The following DNAI4 variants were observed in gnomAD, a reference collection of about 807,000 sequenced individuals.
DNAI4 encodes WD repeat domain 78.
A neutral mutation model predicts 105.8 loss-of-function variants in DNAI4; 85 were observed. The ratio of observed to expected loss-of-function variants is 0.80; its 90% CI spans 0.67 to 0.96. The LOEUF (loss-of-function observed/expected upper bound fraction) is 0.96, where lower values mean the gene tolerates loss of function less well. Among genes scored for constraint, DNAI4 ranks in the 40% least tolerant of loss-of-function variants. The pLI, the probability that DNAI4 is intolerant of heterozygous loss-of-function variation, is 0.00. For missense variants in DNAI4, 1,014 were observed against 1,005.6 expected (o/e 1.01, Z -0.11); for synonymous variants, 352 against 331.5 (o/e 1.06, Z -0.67).
Position 66,855,297 on chromosome 1 carries a change from C to G in DNAI4, c.1096+6850G>C, listed in dbSNP as rs561674957. On this transcript the variant is annotated intron_variant, in intron 7 of 16. Coordinates refer to ENST00000371026, the MANE Select transcript of DNAI4 (RefSeq NM_024763.5). ...TTGCCCATGTTTTCCCCATCACTCT[C>G]TCTGCCTTCTGACCAACTCTGATAC... is the stretch of plus-strand genomic sequence containing the variant. Among the ~76,000 whole-genome samples, 12 of 152,374 alleles carry G rather than the reference C, an allele frequency of 7.9e-5. No individual in the cohort carries two copies. The South Asian group carries it at 2.3e-3, about 29-fold the overall frequency.
chr1:66,846,058 TTTTA>T (rs1354567380), intron 8 of DNAI4, among the ~76,000 whole-genome samples: 1 of 152,170 alleles, frequency 6.6e-6, no homozygotes, highest in African/African-American at 2.4e-5. Context: ...GCTATGGTAT[TTTTA>T]TTTCTTAGAT....
At chr1:66,848,653 A>T (rs1394083795) in intron 7 of DNAI4, among the ~76,000 whole-genome samples, 5 of 152,232 alleles carry the variant, frequency 3.3e-5, no homozygotes, top group Non-Finnish European at 7.3e-5. Context: ...AACAACAAAC[A>T]TAAGCAGTCT....
chr1:66,877,500 T>C (rs1646982202), intron 4 of DNAI4, among the ~76,000 whole-genome samples: 1 of 152,192 alleles, frequency 6.6e-6, no homozygotes, highest in Non-Finnish European at 1.5e-5. Flanking sequence ...TAGAATAGTT[T>C]TAGGTATACA....
intron 16 of DNAI4, among the ~76,000 whole-genome samples, chr1:66,815,935 G>C (rs1645505606): frequency 6.6e-6 from 1 of 152,076 alleles, no homozygotes; most frequent in South Asian, 2.1e-4. Flanking sequence ...GCCAACCTTT[G>C]GCCATATCCT....
At chr1:66,885,090 T>C (rs1230538678) in intron 4 of DNAI4, among the ~76,000 whole-genome samples, 1 of 152,256 alleles carries the variant, frequency 6.6e-6, no homozygotes, top group Non-Finnish European at 1.5e-5. Flanking sequence ...GAGACTTCTT[T>C]GGCCCATGGG....
intron 4 of DNAI4, among the ~76,000 whole-genome samples, chr1:66,879,944 T>C (rs2100703138): frequency 6.7e-6 from 1 of 150,056 alleles, no homozygotes; most frequent in Non-Finnish European, 1.5e-5. Context: ...CCACATGTCA[T>C]GGGAGGAACC....
chr1:66,922,474 C>T (rs1397973898), intron 1 of DNAI4, among the ~76,000 whole-genome samples: 3 of 152,108 alleles, frequency 2.0e-5, no homozygotes, highest in South Asian at 2.1e-4. Context: ...GAGGAAGAGT[C>T]TATAGTGAGA....
Position 66,826,801 on chromosome 1 carries a change from A to T in DNAI4, c.2339+19T>A, listed in dbSNP as rs1198257027. ...GAACTGCTTCTACTAAAATTTATGC[A>T]AGAAAAATAGTAACTTACGTGCTGA... On this transcript the variant is annotated intron_variant, in intron 15 of 16. Coordinates refer to ENST00000371026, the MANE Select transcript of DNAI4 (RefSeq NM_024763.5). 1.2e-6 allele frequency: 2 copies of T among 1,608,720 alleles called. No homozygotes were observed. Among genetic ancestry groups the T allele is most frequent in the Admixed American group, 3.4e-5 (2 of 59,278 alleles).
intron 6 of DNAI4, among the ~76,000 whole-genome samples, chr1:66,863,300 A>T (rs762296386): frequency 1.2e-4 from 19 of 152,164 alleles, no homozygotes; most frequent in South Asian, 2.1e-4. Flanking sequence ...TTAATAAATA[A>T]TTTTTTTCCT....
rs1646843103 is a variant in DNAI4, at chr1:66,871,405, TC to T, written c.904del (p.Asp302MetfsTer8). 6.2e-7 allele frequency: 1 copy of T among 1,611,224 alleles called. No homozygotes were observed. The highest frequency in any genetic ancestry group is 1.1e-5 in the South Asian group (1 of 90,500). On this transcript the variant is annotated frameshift_variant, in exon 6 of 17. Transcript: ENST00000371026. LOFTEE classifies it high-confidence loss of function. ...CATTATGATTTTATCACATTGAACA[TC>T]TTTATTCTTTGGTGCTCCATTGAAA... ...QTFNGAPKNK[D>X]VQCDKIIMED...
intron 1 of DNAI4, among the ~76,000 whole-genome samples, chr1:66,913,983 CAAA>C (rs530815410): frequency 6.0e-5 from 4 of 67,188 alleles, no homozygotes; most frequent in Non-Finnish European, 6.0e-5. Flanking sequence ...AACTCCGTCT[CAAA>C]AAAAAAAAAA....
At chr1:66,906,759 T>A (rs1052906076) in intron 1 of DNAI4, among the ~76,000 whole-genome samples, 46 of 151,608 alleles carry the variant, frequency 3.0e-4, no homozygotes, top group African/African-American at 1.1e-3. Context: ...TCTAAGGACT[T>A]AACCCCCAAC....
chr1:66,874,513 T>C (rs1387806918), intron 5 of DNAI4, among the ~76,000 whole-genome samples: 3 of 152,136 alleles, frequency 2.0e-5, no homozygotes, highest in Non-Finnish European at 2.9e-5. Flanking sequence ...GTTATTTGGC[T>C]TAGAAGTTCG....
chr1:66,900,332 CT>C (rs1267050246), intron 2 of DNAI4, among the ~76,000 whole-genome samples: 6 of 152,102 alleles, frequency 3.9e-5, no homozygotes, highest in Non-Finnish European at 2.9e-5. Flanking sequence ...AACTCCTGGT[CT>C]CAGGTGATCC....
At chr1:66,908,444 G>A (rs1297001730) in intron 1 of DNAI4, among the ~76,000 whole-genome samples, 1 of 152,140 alleles carries the variant, frequency 6.6e-6, no homozygotes, top group Non-Finnish European at 1.5e-5. Context: ...AGACCAAGAG[G>A]GGCAGCTCCT....
At chr1:66,830,977 A>C (rs998305587) in intron 13 of DNAI4, among the ~76,000 whole-genome samples, 2 of 49,328 alleles carry the variant, frequency 4.1e-5, no homozygotes, top group African/African-American at 9.4e-5. Flanking sequence ...ACTCTGTCAC[A>C]AAAAAAAAAA....
intron 3 of DNAI4, among the ~76,000 whole-genome samples, chr1:66,891,581 C>A (rs999866915): frequency 1.5e-4 from 23 of 152,228 alleles, no homozygotes; most frequent in African/African-American, 4.1e-4. Flanking sequence ...CCTGCCTCAG[C>A]CTCCTGAGTG....
At chr1:66,837,941 G>T (rs1646066240) in intron 9 of DNAI4, 145 bp from the exon 10 acceptor site, 3 of 755,818 alleles carry the variant, frequency 4.0e-6, no homozygotes, top group Admixed American at 6.6e-5. Flanking sequence ...TACACCATCT[G>T]TTTTTACTCT....
chr1:66,836,215 AGAGAGAG>A (rs1645998384), intron 10 of DNAI4, among the ~76,000 whole-genome samples: 6 of 119,048 alleles, frequency 5.0e-5, no homozygotes, highest in African/African-American at 1.2e-4. Flanking sequence ...AAAGAGAGAG[AGAGAGAG>A]AGAGAGAGAG....
Sources: gnomAD v4.1 joint callset for allele counts (sites outside exome capture counted in the v4.1 genomes callset) on GRCh38, gnomAD v4.1.1 for gene constraint, MANE v1.5 for transcripts, NCBI Gene and HGNC (gene_info 2026-07-23, HGNC 2026-07-21) for gene names.